The following TTYH2 variants were observed in gnomAD, a reference collection of about 807,000 sequenced individuals.
TTYH2 encodes the protein tweety family member 2.
A neutral mutation model predicts 68.3 loss-of-function variants in TTYH2; 49 were observed. The observed-to-expected ratio is 0.72, with a 90% CI of 0.57 to 0.91. TTYH2 has a LOEUF of 0.91. TTYH2 is among the 40% of genes least tolerant of loss of function. The pLI is 0.00. For missense variants in TTYH2, 631 were observed against 700.4 expected (o/e 0.90, Z 1.12); for synonymous variants, 272 against 300.8 (o/e 0.90, Z 0.99).
At chr17:74,220,790 C>CT (rs370305887) in intron 1 of TTYH2, among the ~76,000 whole-genome samples, 270 of 145,656 alleles carry the variant, frequency 1.9e-3, no homozygotes, top group Admixed American at 2.1e-3. Flanking sequence ...CCAGCTGCCA[C>CT]TTTTTTTTTT....
At chr17:74,252,437 C>T in intron 11 of TTYH2, 61 bp downstream of exon 11, 2 of 1,575,738 alleles carry the variant, frequency 1.3e-6, no homozygotes, top group East Asian at 2.3e-5. Context: ...GAGCAGCAGA[C>T]AGGGGCCTCT....
intron 5 of TTYH2, among the ~76,000 whole-genome samples, 170 bp downstream of exon 5, chr17:74,243,639 A>C (rs1298286761): frequency 2.6e-5 from 4 of 152,190 alleles, no homozygotes; most frequent in Non-Finnish European, 4.4e-5. Flanking sequence ...AGCAGCCACC[A>C]ACTCACCATC....
Position 74,222,386 on chromosome 17 carries a change from A to G in TTYH2, c.130-99A>G. ...GCTTGGAAGGATGGACGAGAGATGC[A>G]GCTCAGGCAGTGGGGCACTCAGGGC... On this transcript the variant is annotated intron_variant, in intron 1 of 13. Coordinates refer to ENST00000269346, the MANE Select transcript of TTYH2 (RefSeq NM_032646.6). The surrounding 1 kb of genome is among the most constrained non-coding windows in gnomAD (Gnocchi z 5.2). 7.4e-7 allele frequency: 1 copy of G among 1,349,528 alleles called. No individual in the cohort carries two copies. The highest frequency in any genetic ancestry group is 1.0e-6 in the Non-Finnish European group (1 of 998,274). The allele number at this position is 1,349,528 out of a possible 1,614,324, so 83.6% of individuals were successfully genotyped here.
At chr17:74,247,199 A>AAAAAT (rs2050567664) in intron 6 of TTYH2, among the ~76,000 whole-genome samples, 1 of 151,836 alleles carries the variant, frequency 6.6e-6, no homozygotes, top group African/African-American at 2.4e-5. Context: ...AAAAAAAAAA[A>AAAAAT]AAATCAGGTC....
chr17:74,226,130 G>A (rs1240254289), intron 2 of TTYH2, among the ~76,000 whole-genome samples: 1 of 152,236 alleles, frequency 6.6e-6, no homozygotes. Flanking sequence ...AGTCAGTTTG[G>A]TTGTACACAG....
chr17:74,229,161 A>G (rs1265504543), intron 2 of TTYH2, among the ~76,000 whole-genome samples: 1 of 152,138 alleles, frequency 6.6e-6, no homozygotes, highest in Non-Finnish European at 1.5e-5. Context: ...TGTTGGGGGA[A>G]AGGGTGGAGG....
rs2050236361 is a variant in TTYH2, at chr17:74,217,878, G to A, written c.129+4162G>A. ...CAGAAATAATTGAAGTCCCTTTGAT[G>A]AGGGGAGAGGCAGAGTCTGAGCACC... On this transcript the variant is annotated intron_variant, in intron 1 of 13. Transcript: ENST00000269346. This position sits in a 1 kb window ranked among gnomAD's most constrained non-coding sequence, Gnocchi z 4.0. Among the ~76,000 whole-genome samples, 1 of 152,232 alleles carries A rather than the reference G, an allele frequency of 6.6e-6. No homozygotes were observed. Among genetic ancestry groups the A allele is most frequent in the Non-Finnish European group, 1.5e-5 (1 of 68,042 alleles).
At chr17:74,216,165 G>A (rs1421353674) in intron 1 of TTYH2, among the ~76,000 whole-genome samples, 1 of 152,202 alleles carries the variant, frequency 6.6e-6, no homozygotes, top group Admixed American at 6.5e-5. Context: ...GTGGCTGAGA[G>A]GTTCAGGAGT....
At chr17:74,233,996 C>A (rs2050416607) in intron 3 of TTYH2, among the ~76,000 whole-genome samples, 1 of 152,138 alleles carries the variant, frequency 6.6e-6, no homozygotes, top group Admixed American at 6.5e-5. Context: ...CTGGTCTTAG[C>A]CCCTTACCTC....
chr17:74,256,058 C>A (rs563072618), intron 13 of TTYH2, among the ~76,000 whole-genome samples: 1 of 152,228 alleles, frequency 6.6e-6, no homozygotes, highest in East Asian at 1.9e-4. Context: ...CAAGTGGAAC[C>A]CAGTCCCTGT....
chr17:74,236,916 C>T (rs1315344323), intron 3 of TTYH2, among the ~76,000 whole-genome samples: 1 of 142,550 alleles, frequency 7.0e-6, no homozygotes, highest in Non-Finnish European at 1.5e-5. Context: ...TTTTTTTCGA[C>T]ACAGAGTATC....
chr17:74,238,516 A>G (rs1366996118), intron 4 of TTYH2, among the ~76,000 whole-genome samples: 1 of 152,092 alleles, frequency 6.6e-6, no homozygotes, highest in Non-Finnish European at 1.5e-5. Context: ...CTCCCGCCTC[A>G]GCCTCCTGAG....
chr17:74,227,784 C>A (rs979223890), intron 2 of TTYH2, among the ~76,000 whole-genome samples: 1 of 148,526 alleles, frequency 6.7e-6, no homozygotes, highest in Admixed American at 6.7e-5. Context: ...TGTCTCCTGC[C>A]CCCCCATCTT....
chr17:74,251,887 G>T (rs1277799595), intron 10 of TTYH2: 2 of 290,864 alleles, frequency 6.9e-6, no homozygotes, highest in Non-Finnish European at 1.3e-5. Flanking sequence ...TGTCCCCTTT[G>T]CCCCCTCTTC....
rs1355758535 is a variant in TTYH2, at chr17:74,241,954, C to T, written c.636-1420C>T. ...TTGGGGTCTTCTCAGTGTCCGTTGGCTTAAGATACTTTGATTCTTCAGCCT... is the reference window on the plus strand; with the variant it reads ...TTGGGGTCTTCTCAGTGTCCGTTGGTTTAAGATACTTTGATTCTTCAGCCT... On this transcript the variant is annotated intron_variant, in intron 4 of 13. Coordinates refer to ENST00000269346, the MANE Select transcript of TTYH2 (RefSeq NM_032646.6). The surrounding 1 kb of genome is among the most constrained non-coding windows in gnomAD (Gnocchi z 4.1). Among the ~76,000 whole-genome samples, 1 of 152,212 alleles carries T rather than the reference C, an allele frequency of 6.6e-6. No homozygotes were observed. The highest frequency in any genetic ancestry group is 2.4e-5 in the African/African-American group (1 of 41,444).
intron 13 of TTYH2, among the ~76,000 whole-genome samples, chr17:74,258,770 C>T (rs2050718069): frequency 6.6e-6 from 1 of 151,948 alleles, no homozygotes; most frequent in Admixed American, 6.6e-5. Flanking sequence ...CAGTGGCAGC[C>T]CAGTGCCCAG....
chr17:74,251,392 G>A (rs1404280843), intron 10 of TTYH2, among the ~76,000 whole-genome samples: 1 of 151,518 alleles, frequency 6.6e-6, no homozygotes, highest in Non-Finnish European at 1.5e-5. Flanking sequence ...TGTGGGGGGT[G>A]TGTGTGCGTG....
At chr17:74,240,940 A>C (rs1390506435) in intron 4 of TTYH2, 1 of 152,204 alleles carries the variant, frequency 6.6e-6, no homozygotes, top group Non-Finnish European at 1.5e-5. Context: ...AAGCACCCCT[A>C]ACTGGATTTC....
intron 1 of TTYH2, among the ~76,000 whole-genome samples, chr17:74,219,307 T>G (rs1305115513): frequency 6.7e-6 from 1 of 149,638 alleles, no homozygotes; most frequent in Non-Finnish European, 1.5e-5. Flanking sequence ...GAGAATCCCT[T>G]GCACCTGGGA....
Sources: allele counts gnomAD v4.1 joint callset (sites outside exome capture counted in the v4.1 genomes callset), GRCh38; gene constraint gnomAD v4.1.1; non-coding constraint Gnocchi (gnomAD v3.1); transcripts MANE v1.5; gene names NCBI Gene and HGNC (gene_info 2026-07-23, HGNC 2026-07-21).